B4GALNT3: variants seen among roughly 807,000 people sequenced by gnomAD.
B4GALNT3 encodes the protein beta-1,4-N-acetyl-galactosaminyltransferase 3, also known as beta-1,4-N-acetylgalactosaminyltransferase 3.
A neutral mutation model predicts 120.2 loss-of-function variants in B4GALNT3; 86 were observed. The ratio of observed to expected loss-of-function variants is 0.72; its 90% CI spans 0.60 to 0.86. The LOEUF (loss-of-function observed/expected upper bound fraction) is 0.86. B4GALNT3 is among the 40% of genes least tolerant of loss of function. The pLI is 0.00. For synonymous variants in B4GALNT3, 518 were observed against 510.4 expected, an observed-to-expected ratio of 1.01 and a Z score of -0.20; for missense variants, 1,167 against 1,298.9, an observed-to-expected ratio of 0.90 and a Z score of 1.56.
intron 1 of B4GALNT3, among the ~76,000 whole-genome samples, chr12:516,071 G>A (rs374137171): frequency 2.0e-5 from 3 of 152,016 alleles, no homozygotes; most frequent in South Asian, 2.1e-4. Flanking sequence ...GCATGAACCC[G>A]GGAGGCAGAG....
intron 3 of B4GALNT3, among the ~76,000 whole-genome samples, chr12:538,938 C>T (rs998153919): frequency 3.9e-5 from 6 of 152,164 alleles, no homozygotes; most frequent in South Asian, 2.1e-4. Context: ...TACTACTGTC[C>T]GGGAGCTGTC....
intron 5 of B4GALNT3, 51 bp from the exon 6 acceptor site, chr12:545,318 T>C: frequency 1.3e-6 from 2 of 1,565,312 alleles, no homozygotes; most frequent in Non-Finnish European, 1.7e-6. Context: ...CCTCCAGCTT[T>C]TATGCTGATG....
Position 550,038 on chromosome 12 carries a change from C to T in B4GALNT3, c.997+126C>T. On this transcript the variant is annotated intron_variant, in intron 10 of 19. Coordinates refer to ENST00000266383, the MANE Select transcript of B4GALNT3 (RefSeq NM_173593.4). This position sits in a 1 kb window ranked among gnomAD's most constrained non-coding sequence, Gnocchi z 4.1. ...AATCACCGTAGAACTTTTTATCGTC[C>T]TTGTAACATAGAACATGCATACAGA... 9.3e-7 allele frequency: 1 copy of T among 1,073,812 alleles called. No individual in the cohort carries two copies. The highest frequency in any genetic ancestry group is 1.3e-6 in the Non-Finnish European group (1 of 755,204). The allele number at this position is 1,073,812 out of a possible 1,614,324, so 66.5% of individuals were successfully genotyped here. A position where few individuals can be genotyped will look rare whatever the true frequency, so the allele number is the denominator to read the frequency against.
chr12:559,635 C>T (rs148305937), intron 19 of B4GALNT3, among the ~76,000 whole-genome samples: 1 of 152,186 alleles, frequency 6.6e-6, no homozygotes, highest in Non-Finnish European at 1.5e-5. Flanking sequence ...GTCTGTGTCA[C>T]AGGGTTGGTG....
Position 550,838 on chromosome 12 carries a change from A to G in B4GALNT3, c.998-84A>G. On this transcript the variant is annotated intron_variant, in intron 10 of 19. Transcript: ENST00000266383. The surrounding 1 kb of genome is among the most constrained non-coding windows in gnomAD (Gnocchi z 4.1). Reference sequence around the variant, plus strand: ...ACACAGCTGCCGCTTGCGAATACAGAAAGGGCCCTGCTCAGGGCAGAGGAC... The same window carrying G: ...ACACAGCTGCCGCTTGCGAATACAGGAAGGGCCCTGCTCAGGGCAGAGGAC... 2 of 1,123,636 alleles carry G rather than the reference A, an allele frequency of 1.8e-6. No individual in the cohort carries two copies. The highest frequency in any genetic ancestry group is 2.6e-6 in the Non-Finnish European group (2 of 768,110). 69.6% of individuals were successfully genotyped at this position (1,123,636 alleles called of 1,614,324 possible).
Position 500,865 on chromosome 12 carries a change from C to CTT in B4GALNT3, c.170-34282_170-34281dup, listed in dbSNP as rs55927726. On this transcript the variant is annotated intron_variant, in intron 1 of 19. Coordinates refer to ENST00000266383, the MANE Select transcript of B4GALNT3 (RefSeq NM_173593.4). The stretch of plus-strand genomic sequence containing the variant: ...CTGAATTTGAATCCTGGCTCCACTG[C>CTT]TTTTTTTTTTTTTTTTTTTTGACAC... Among the ~76,000 whole-genome samples the CTT allele has an allele frequency of 3.2e-3, 199 of 61,814 alleles. 29 individuals carry two copies. Among genetic ancestry groups the CTT allele is most frequent in the African/African-American group, 0.013 (171 of 13,342 alleles). The allele number at this position is 61,814 out of a possible 152,430, so 40.6% of individuals were successfully genotyped here.
intron 1 of B4GALNT3, among the ~76,000 whole-genome samples, chr12:499,986 C>G (rs1178830590): frequency 6.6e-6 from 1 of 152,184 alleles, no homozygotes; most frequent in Non-Finnish European, 1.5e-5. Flanking sequence ...CCAGCCCTGC[C>G]TCCCTGGGCT....
At chr12:549,946 G>C (rs554079234) in intron 10 of B4GALNT3, 34 bp downstream of exon 10, 1 of 1,575,398 alleles carries the variant, frequency 6.3e-7, no homozygotes, top group South Asian at 1.2e-5. Flanking sequence ...CGTCCTTTCT[G>C]GGGACACTGC....
chr12:514,277 A>C (rs1198460489), intron 1 of B4GALNT3, among the ~76,000 whole-genome samples: 9 of 142,700 alleles, frequency 6.3e-5, no homozygotes, highest in African/African-American at 2.4e-4. Flanking sequence ...GGCTCACTGC[A>C]AGCTCCACCT....
chr12:480,863 C>T lies in B4GALNT3; in HGVS notation c.169+20318C>T, dbSNP rs111537755. On this transcript the variant is annotated intron_variant, in intron 1 of 19. Transcript: ENST00000266383. Reference sequence around the variant, plus strand: ...GGGCACTTCCCCAGGCCCTGGTGACCGTGGTCATCTTTGTCACAGCCTCCT... The same window carrying T: ...GGGCACTTCCCCAGGCCCTGGTGACTGTGGTCATCTTTGTCACAGCCTCCT... Among the ~76,000 whole-genome samples, 1,186 of 152,308 alleles carry T rather than the reference C, an allele frequency of 7.8e-3. 15 individuals are homozygous for T. Among genetic ancestry groups the T allele is most frequent in the African/African-American group, 0.026 (1,063 of 41,560 alleles).
Position 512,902 on chromosome 12 carries a change from CTTCCGCT to C in B4GALNT3, c.170-22259_170-22253del, listed in dbSNP as rs1362042426. Among the ~76,000 whole-genome samples the C allele has an allele frequency of 1.1e-4, 17 of 149,286 alleles. 1 individual carries two copies. Among genetic ancestry groups the C allele is most frequent in the African/African-American group, 3.7e-4 (15 of 40,156 alleles). On this transcript the variant is annotated intron_variant, in intron 1 of 19. Coordinates refer to ENST00000266383, the MANE Select transcript of B4GALNT3 (RefSeq NM_173593.4). The stretch of plus-strand genomic sequence containing the variant: ...CCACATTCCACCTTCTACCTTCCGC[CTTCCGCT>C]TTCCACCTTCTGCCTTCCACCTTCC...
intron 1 of B4GALNT3, among the ~76,000 whole-genome samples, chr12:461,729 AAG>A (rs1324365087): frequency 3.9e-5 from 6 of 152,208 alleles, no homozygotes; most frequent in African/African-American, 1.4e-4. Flanking sequence ...CTTGTGGCCA[AAG>A]AGAGAGAATT....
intron 3 of B4GALNT3, among the ~76,000 whole-genome samples, chr12:539,828 T>G (rs1049667189): frequency 2.6e-5 from 4 of 152,162 alleles, no homozygotes; most frequent in African/African-American, 9.7e-5. Context: ...AAAGGATTGC[T>G]TGAGGCCAGG....
intron 1 of B4GALNT3, among the ~76,000 whole-genome samples, chr12:531,976 T>TA (rs66894536): frequency 0.5 from 74,780 of 149,386 alleles, 19,064 homozygotes; most frequent in African/African-American, 0.55. Flanking sequence ...TATTTTTCTT[T>TA]AAAAAAAAAA....
In B4GALNT3 at chr12:549,801, C is replaced by T. The variant is rs1592054775; in HGVS notation, c.886C>T (p.His296Tyr). ...ETFLQMDEVG[H>Y]IPQTAASHVD... ...GTTCCTACAGATGGATGAGGTGGGC[C>T]ACATCCCACAGACAGCAGCCAGCCA... Residue 296 changes from histidine to tyrosine, a missense_variant, in exon 10 of 20, where the codon CAC becomes TAC. Transcript: ENST00000266383. 1 of 1,613,678 alleles carries T rather than the reference C, an allele frequency of 6.2e-7. No homozygotes were observed. The highest frequency in any genetic ancestry group is 2.2e-5 in the East Asian group (1 of 44,866).
chr12:548,393 G>A lies in B4GALNT3; in HGVS notation c.853+96G>A. 8.4e-7 allele frequency: 1 copy of A among 1,185,504 alleles called. No individual in the cohort carries two copies. The highest frequency in any genetic ancestry group is 2.4e-5 in the East Asian group (1 of 41,286). 73.4% of individuals were successfully genotyped at this position (1,185,504 alleles called of 1,614,324 possible). A position where few individuals can be genotyped will look rare whatever the true frequency, so the allele number is the denominator to read the frequency against. ...GGGGAGGAGGGGAGGAGGGGAGGAA[G>A]GAAGCTCGAGATGCTTGGGACACGG... is the stretch of plus-strand genomic sequence containing the variant. On this transcript the variant is annotated intron_variant, in intron 9 of 19. Coordinates refer to ENST00000266383, the MANE Select transcript of B4GALNT3 (RefSeq NM_173593.4). The surrounding 1 kb of genome is among the most constrained non-coding windows in gnomAD (Gnocchi z 4.9).
chr12:486,007 C>T (rs1946287123), intron 1 of B4GALNT3, among the ~76,000 whole-genome samples: 2 of 152,140 alleles, frequency 1.3e-5, no homozygotes, highest in Non-Finnish European at 2.9e-5. Flanking sequence ...AAAACCTAAA[C>T]TGTAATTGAT....
At position 562,993 on chromosome 12, in the gene B4GALNT3, C is replaced by T. The variant is rs999659496; in HGVS notation, c.*1542C>T. 6.6e-6 allele frequency: 1 copy of T among 152,236 alleles called. No homozygotes were observed. Among genetic ancestry groups the T allele is most frequent in the Non-Finnish European group, 1.5e-5 (1 of 68,102 alleles). 9.4% of individuals were successfully genotyped at this position (152,236 alleles called of 1,614,324 possible). On this transcript the variant is annotated 3_prime_UTR_variant, in exon 20 of 20. Coordinates refer to ENST00000266383, the MANE Select transcript of B4GALNT3 (RefSeq NM_173593.4). This position sits in a 1 kb window ranked among gnomAD's most constrained non-coding sequence, Gnocchi z 5.2. ...ATTCCCCGAGAGCACGAGTTTGGCA[C>T]ATGGGAGAATGGAGCCCGTGGAGAA...
intron 1 of B4GALNT3, among the ~76,000 whole-genome samples, chr12:468,979 G>A (rs149891895): frequency 1.2e-3 from 178 of 152,316 alleles, no homozygotes; most frequent in African/African-American, 4.2e-3. Flanking sequence ...AAGACTTTAT[G>A]TATAAATGCT....
Sources: gnomAD v4.1 joint callset for allele counts (sites outside exome capture counted in the v4.1 genomes callset) on GRCh38, gnomAD v4.1.1 for gene constraint, Gnocchi (gnomAD v3.1) non-coding constraint, MANE v1.5 for transcripts, NCBI Gene and HGNC (gene_info 2026-07-23, HGNC 2026-07-21) for gene names.